The following CDH12 variants were observed in gnomAD, a reference collection of about 807,000 sequenced individuals.
The protein encoded by CDH12 is cadherin 12.
Under a neutral mutation model 74.1 loss-of-function variants are expected in CDH12, and 41 were observed. The observed-to-expected ratio is 0.55, with a 90% CI of 0.43 to 0.72. CDH12 has a LOEUF of 0.72. Ranked by LOEUF, CDH12 falls within the 30% of genes least tolerant of loss-of-function variation. The probability of loss-of-function intolerance (pLI) is 0.00; values close to 1 mark genes in which losing one functional copy is unlikely to be tolerated. For synonymous variants in CDH12, 399 were observed against 355.0 expected, an observed-to-expected ratio of 1.12 and a Z score of -1.39; for missense variants, 945 against 977.2, an observed-to-expected ratio of 0.97 and a Z score of 0.44.
At chr5:22,657,634 A>AT (rs1740118180) in intron 1 of CDH12, among the ~76,000 whole-genome samples, 1 of 152,160 alleles carries the variant, frequency 6.6e-6, no homozygotes, top group Non-Finnish European at 1.5e-5. Context: ...ATAGGGAAAT[A>AT]TTTCTATGGT....
At chr5:22,045,133 G>A (rs1239271404) in intron 5 of CDH12, among the ~76,000 whole-genome samples, 1 of 152,128 alleles carries the variant, frequency 6.6e-6, no homozygotes. Flanking sequence ...TTGGTAAATG[G>A]TCTGAACAGT....
chr5:21,896,223 G>A (rs917360887), intron 6 of CDH12, among the ~76,000 whole-genome samples: 3 of 152,116 alleles, frequency 2.0e-5, no homozygotes, highest in Non-Finnish European at 4.4e-5. Flanking sequence ...GAGTGAGAGT[G>A]AGAAAAATAC....
intron 3 of CDH12, among the ~76,000 whole-genome samples, chr5:22,345,389 C>A (rs1740067470): frequency 6.6e-6 from 1 of 151,934 alleles, no homozygotes; most frequent in Non-Finnish European, 1.5e-5. Flanking sequence ...GAAGTGTATA[C>A]CTTGTTAAAC....
intron 3 of CDH12, among the ~76,000 whole-genome samples, chr5:22,273,836 A>G (rs1736510205): frequency 6.6e-6 from 1 of 152,140 alleles, no homozygotes; most frequent in South Asian, 2.1e-4. Flanking sequence ...TCCACTCAAA[A>G]GCAAAACTTA....
chr5:22,394,964 A>G (rs1742398050), intron 3 of CDH12, among the ~76,000 whole-genome samples: 1 of 152,238 alleles, frequency 6.6e-6, no homozygotes, highest in Non-Finnish European at 1.5e-5. Flanking sequence ...AGATTCACAT[A>G]AATTTTCAGG....
At chr5:22,847,953 G>A (rs940633161) in intron 1 of CDH12, among the ~76,000 whole-genome samples, 2 of 151,316 alleles carry the variant, frequency 1.3e-5, no homozygotes, top group Non-Finnish European at 1.5e-5. Context: ...GTGCGATCTC[G>A]GCTCACTGCA....
chr5:22,650,963 GT>G (rs1366360288), intron 1 of CDH12, among the ~76,000 whole-genome samples: 3 of 151,956 alleles, frequency 2.0e-5, no homozygotes, highest in Non-Finnish European at 2.9e-5. Flanking sequence ...GGTTTTTATT[GT>G]TACTATTCCT....
rs1580435154 is a variant in CDH12 at position 22,238,086 on chromosome 5, C to G, written c.-332-25443G>C. On this transcript the variant is annotated intron_variant, in intron 3 of 14. Transcript: ENST00000382254. ...GAGCCAGCATCTTTCTTGATTGACC[C>G]TGTTCTGAATGCCAACTCCTGAAGG... Among the ~76,000 whole-genome samples the G allele has an allele frequency of 2.0e-5, 3 of 152,200 alleles. No homozygotes were observed. In the South Asian group the frequency reaches 6.2e-4, roughly 32 times the overall value.
At chr5:22,736,558 G>C (rs777939085) in intron 1 of CDH12, among the ~76,000 whole-genome samples, 5 of 149,174 alleles carry the variant, frequency 3.4e-5, no homozygotes, top group Non-Finnish European at 7.5e-5. Flanking sequence ...TAGAGTCAGC[G>C]TTTTTTTTTA....
At chr5:21,959,476 C>G (rs1222386704) in intron 6 of CDH12, among the ~76,000 whole-genome samples, 6 of 152,088 alleles carry the variant, frequency 3.9e-5, no homozygotes, top group East Asian at 1.9e-4. Flanking sequence ...TCTTTGAGAC[C>G]TATCTCACAT....
At chr5:21,821,601 T>G (rs1219613310) in intron 8 of CDH12, among the ~76,000 whole-genome samples, 1 of 151,912 alleles carries the variant, frequency 6.6e-6, no homozygotes, top group Non-Finnish European at 1.5e-5. Flanking sequence ...GTGAATATAA[T>G]TCATATTTAA....
chr5:22,397,979 G>T (rs900866622), intron 3 of CDH12, among the ~76,000 whole-genome samples: 1 of 152,008 alleles, frequency 6.6e-6, no homozygotes, highest in Non-Finnish European at 1.5e-5. Flanking sequence ...TGGAATTCTA[G>T]CCTCCAGGAT....
intron 1 of CDH12, among the ~76,000 whole-genome samples, chr5:22,705,051 T>C (rs1194114106): frequency 6.6e-6 from 1 of 151,386 alleles, no homozygotes; most frequent in Non-Finnish European, 1.5e-5. Context: ...CACACGCATA[T>C]ATAATGTGCG....
chr5:22,720,936 A>G (rs867765827), intron 1 of CDH12, among the ~76,000 whole-genome samples: 25 of 152,246 alleles, frequency 1.6e-4, no homozygotes, highest in African/African-American at 5.3e-4. Flanking sequence ...AAAAGTTTGG[A>G]AAATGTTCAG....
intron 3 of CDH12, among the ~76,000 whole-genome samples, chr5:22,264,935 C>T (rs536492604): frequency 6.6e-6 from 1 of 152,264 alleles, no homozygotes; most frequent in African/African-American, 2.4e-5. Context: ...CATTCTTTGA[C>T]GTATAGACAT....
chr5:22,495,018 A>T (rs750806051), intron 2 of CDH12, among the ~76,000 whole-genome samples: 36 of 152,168 alleles, frequency 2.4e-4, no homozygotes, highest in Admixed American at 1.3e-4. Flanking sequence ...AAGAAATACC[A>T]TTTGCAAAAC....
chr5:22,729,953 A>G (rs1744350023), intron 1 of CDH12, among the ~76,000 whole-genome samples: 1 of 151,898 alleles, frequency 6.6e-6, no homozygotes, highest in African/African-American at 2.4e-5. Context: ...TATTCAGAGC[A>G]CTAAAACTTC....
At chr5:22,025,998 C>T (rs1738325055) in intron 5 of CDH12, among the ~76,000 whole-genome samples, 1 of 126,272 alleles carries the variant, frequency 7.9e-6, no homozygotes, top group African/African-American at 4.4e-5. Flanking sequence ...TCTTCAACCA[C>T]TCAGTCATCT....
At chr5:22,852,043 T>C (rs1258535226) in intron 1 of CDH12, among the ~76,000 whole-genome samples, 1 of 152,170 alleles carries the variant, frequency 6.6e-6, no homozygotes, top group South Asian at 2.1e-4. Context: ...TTTAAAACTG[T>C]AAACACATTT....
Sources: gnomAD v4.1 joint callset for allele counts (sites outside exome capture counted in the v4.1 genomes callset) on GRCh38, gnomAD v4.1.1 for gene constraint, MANE v1.5 for transcripts, NCBI Gene and HGNC (gene_info 2026-07-23, HGNC 2026-07-21) for gene names.